Variants in C11orf65 observed in about 807,000 individuals in gnomAD.
C11orf65 encodes chromosome 11 open reading frame 65, also known as protein MFI.
Under a neutral mutation model 35.3 loss-of-function variants are expected in C11orf65, and 38 were observed. That is an observed-to-expected ratio of 1.08 (90% CI 0.83 to 1.41). C11orf65 has a LOEUF of 1.41. C11orf65 is among the 40% of genes most tolerant of loss of function. C11orf65 has a pLI of 0.00. For missense variants in C11orf65, 370 were observed against 367.1 expected, an observed-to-expected ratio of 1.01 and a Z score of -0.06; for synonymous variants, 105 against 114.4, an observed-to-expected ratio of 0.92 and a Z score of 0.53.
intron 3 of C11orf65, chr11:108,333,864 A>G: frequency 6.4e-7 from 1 of 1,564,524 alleles, no homozygotes; most frequent in Non-Finnish European, 8.8e-7. Flanking sequence ...TGTCACTAAA[A>G]TCTCTTCATT....
At chr11:108,375,622 T>C (rs1432443702) in intron 2 of C11orf65, among the ~76,000 whole-genome samples, 5 of 152,088 alleles carry the variant, frequency 3.3e-5, no homozygotes, top group Non-Finnish European at 7.4e-5. Flanking sequence ...CAGGATCAAA[T>C]TCACACATAA....
At chr11:108,386,735 G>T (rs1348384076) in intron 7 of C11orf65, among the ~76,000 whole-genome samples, 2 of 152,128 alleles carry the variant, frequency 1.3e-5, no homozygotes, top group East Asian at 3.9e-4. Flanking sequence ...GTCAGGATTT[G>T]GTTACAGTAG....
chr11:108,417,967 TAA>T lies in C11orf65; in HGVS notation c.175-10820_175-10819del, dbSNP rs11342803. Among the ~76,000 whole-genome samples the T allele has an allele frequency of 1.5e-3, 227 of 147,362 alleles. 1 individual carries two copies. The highest frequency in any genetic ancestry group is 2.6e-3 in the Admixed American group (39 of 14,750). On this transcript the variant is annotated intron_variant, in intron 3 of 8. Transcript: ENST00000393084. ...CTGACAGTAAAACTTTCTGATTTGT[TAA>T]AAAAAAAAAAAGAGACAGTTGGTGT...
At position 108,345,785 on chromosome 11, in the gene C11orf65, A is replaced by G. The variant is rs876660081; in HGVS notation, c.227-10493T>C. 2 of 1,613,676 alleles carry G rather than the reference A, an allele frequency of 1.2e-6. No individual in the cohort carries two copies. Among genetic ancestry groups the G allele is most frequent in the Non-Finnish European group, 8.5e-7 (1 of 1,179,786 alleles). ...TTTTGAAGAGAAATATGAAGTCTTC[A>G]TGGATGTTTGCCAAAATTTTCAACC... On this transcript the variant is annotated intron_variant, in intron 2 of 3. Transcript: ENST00000524755.
chr11:108,461,906 C>A (rs1213612514), intron 1 of C11orf65, among the ~76,000 whole-genome samples: 1 of 151,916 alleles, frequency 6.6e-6, no homozygotes, highest in Non-Finnish European at 1.5e-5. Context: ...TAAGCGTGAG[C>A]CACCGCGCCC....
intron 3 of C11orf65, among the ~76,000 whole-genome samples, chr11:108,421,584 G>T (rs2092817646): frequency 6.6e-6 from 1 of 152,100 alleles, no homozygotes; most frequent in Non-Finnish European, 1.5e-5. Flanking sequence ...CTTGAATCTG[G>T]GAGGCGAAGG....
At chr11:108,469,455 T>C (rs1266793233), upstream of C11orf65, among the ~76,000 whole-genome samples, 1 of 151,628 alleles carries the variant, frequency 6.6e-6, no homozygotes, top group African/African-American at 2.4e-5. Context: ...ATATTATTTT[T>C]ATTAGGTTGG....
intron 3 of C11orf65, among the ~76,000 whole-genome samples, chr11:108,409,422 G>A (rs905578461): frequency 5.9e-5 from 9 of 152,082 alleles, no homozygotes; most frequent in African/African-American, 2.2e-4. Flanking sequence ...AGATGGCCCC[G>A]ACTTAAAGTG....
chr11:108,370,903 T>G (rs907260168), intron 2 of C11orf65, among the ~76,000 whole-genome samples: 1 of 152,204 alleles, frequency 6.6e-6, no homozygotes, highest in African/African-American at 2.4e-5. Flanking sequence ...TGGGATTTCC[T>G]TTCCAGCATT....
downstream of C11orf65, among the ~76,000 whole-genome samples, chr11:108,328,714 T>C (rs1362892077): frequency 1.3e-5 from 2 of 152,184 alleles, no homozygotes; most frequent in East Asian, 1.9e-4. Flanking sequence ...GCAAGAAGAA[T>C]TGCCTTGGGC....
chr11:108,337,782 A>G (rs975512659), intron 2 of C11orf65, among the ~76,000 whole-genome samples: 6 of 152,260 alleles, frequency 3.9e-5, no homozygotes, highest in African/African-American at 1.4e-4. Context: ...TATGCTCTAA[A>G]TACCAAACTT....
At chr11:108,467,917 C>T (rs1026753220), upstream of C11orf65, among the ~76,000 whole-genome samples, 6 of 152,050 alleles carry the variant, frequency 3.9e-5, no homozygotes, top group Non-Finnish European at 8.8e-5. Context: ...CTGGAACTCC[C>T]CTGGCTCAGG....
Position 108,406,922 on chromosome 11 carries a change from G to T in C11orf65, c.270C>A (p.His90Gln), listed in dbSNP as rs1392902011. ...PPDIYYKIFTHRPIEDLCANS... is the reference protein window; with the variant it reads ...PPDIYYKIFTQRPIEDLCANS... Reference sequence around the variant, plus strand: ...TAGCACAGAGATCTTCAATAGGTCTGTGAGTAAAAATCTTATAGTATATAT... The same window carrying T: ...TAGCACAGAGATCTTCAATAGGTCTTTGAGTAAAAATCTTATAGTATATAT... The change falls in exon 5 of 9, where the codon CAC becomes CAA. Residue 90 changes from histidine (H) to glutamine (Q), a missense_variant. Physicochemically the swap from His to Gln is conservative, Grantham distance 24 (BLOSUM62 0). Coordinates refer to ENST00000393084, the MANE Select transcript of C11orf65 (RefSeq NM_152587.5). 1 of 1,612,300 alleles carries T rather than the reference G, an allele frequency of 6.2e-7. No individual in the cohort carries two copies. The highest frequency in any genetic ancestry group is 8.5e-7 in the Non-Finnish European group (1 of 1,178,724).
rs192976772 is a variant in C11orf65, at chr11:108,390,733, C to A, written c.731+2475G>T. On this transcript the variant is annotated intron_variant, in intron 7 of 8. Transcript: ENST00000393084. Reference sequence around the variant, plus strand: ...CATTGCAGCTCCTTTGTTTGGCTGTCATTTCTTGCATCATTATTACCATCT... The same window carrying A: ...CATTGCAGCTCCTTTGTTTGGCTGTAATTTCTTGCATCATTATTACCATCT... Among the ~76,000 whole-genome samples, 18 of 152,264 alleles carry A rather than the reference C, an allele frequency of 1.2e-4. No individual in the cohort carries two copies. In the East Asian group the frequency reaches 2.1e-3, roughly 18 times the overall value.
chr11:108,375,891 GC>G (rs1347929843), intron 2 of C11orf65, among the ~76,000 whole-genome samples: 4 of 152,102 alleles, frequency 2.6e-5, no homozygotes, highest in Non-Finnish European at 5.9e-5. Flanking sequence ...AACAAAGAAG[GC>G]CATTACATAA....
chr11:108,329,801 A>T (rs1047518693), downstream of C11orf65, among the ~76,000 whole-genome samples: 4 of 152,170 alleles, frequency 2.6e-5, no homozygotes, highest in African/African-American at 9.7e-5. Context: ...TTCTAAGTTC[A>T]TTGTGGAGAA....
chr11:108,435,449 G>A (rs2135457313), intron 2 of C11orf65, among the ~76,000 whole-genome samples: 1 of 152,208 alleles, frequency 6.6e-6, no homozygotes, highest in Middle Eastern at 3.4e-3. Flanking sequence ...CTTTTGGGGT[G>A]TTTTTTAGTA....
chr11:108,454,721 G>A (rs4754324), intron 2 of C11orf65, among the ~76,000 whole-genome samples: 94,297 of 151,970 alleles, frequency 0.62, 29,561 homozygotes, highest in Middle Eastern at 0.76. Context: ...CAGTCTCCCA[G>A]GTAGCTGAGA....
chr11:108,394,179 C>CAAAAAA (rs11387098), intron 6 of C11orf65, among the ~76,000 whole-genome samples: 2 of 82,638 alleles, frequency 2.4e-5, no homozygotes, highest in Non-Finnish European at 2.1e-5. Flanking sequence ...GACTCCATCT[C>CAAAAAA]AAAAAAAAAA....
Sources: gnomAD v4.1 joint callset for allele counts (sites outside exome capture counted in the v4.1 genomes callset) on GRCh38, gnomAD v4.1.1 for gene constraint, MANE v1.5 for transcripts, NCBI Gene and HGNC (gene_info 2026-07-23, HGNC 2026-07-21) for gene names.